MICAL3: variants seen among roughly 807,000 people sequenced by gnomAD.
The protein encoded by MICAL3 is microtubule associated monooxygenase, calponin and LIM domain containing 3, also known as [F-actin]-monooxygenase MICAL3.
In MICAL3, 62 loss-of-function variants were observed where a neutral mutation model predicts 207.4. The observed-to-expected ratio is 0.30, with a 90% CI of 0.24 to 0.37. MICAL3 has a LOEUF of 0.37. Ranked by LOEUF, MICAL3 falls within the 10% of genes least tolerant of loss-of-function variation. MICAL3 has a pLI of 1.00. For synonymous variants in MICAL3, 1,077 were observed against 1,069.3 expected, an observed-to-expected ratio of 1.01 and a Z score of -0.14; for missense variants, 2,368 against 2,635.6, an observed-to-expected ratio of 0.90 and a Z score of 2.22.
In MICAL3 at chr22:17,866,621, A is replaced by AATAGAATAGC. The variant is rs1556037644; in HGVS notation, c.2429-610_2429-609insGCTATTCTAT. On this transcript the variant is annotated intron_variant, in intron 17 of 31. Transcript: ENST00000441493. The stretch of plus-strand genomic sequence containing the variant: ...AACAGCATAGAACAGAACAGAATAG[A>AATAGAATAGC]ATAGAATAGAATAGAATAGAATAGA... Among the ~76,000 whole-genome samples the AATAGAATAGC allele has an allele frequency of 3.0e-5, 4 of 135,352 alleles. No individual in the cohort carries two copies. In the East Asian group the frequency reaches 9.1e-4, roughly 31 times the overall value. The allele number at this position is 135,352 out of a possible 152,430, so 88.8% of individuals were successfully genotyped here.
At chr22:17,985,810 C>G (rs1160160540) in intron 1 of MICAL3, among the ~76,000 whole-genome samples, 1 of 152,060 alleles carries the variant, frequency 6.6e-6, no homozygotes, top group Non-Finnish European at 1.5e-5. Context: ...CCTTTAGGAC[C>G]CACCCACCTT....
intron 1 of MICAL3, chr22:18,001,120 A>C (rs1922946252): frequency 6.6e-6 from 1 of 152,148 alleles, no homozygotes; most frequent in South Asian, 2.1e-4. Flanking sequence ...GGAGGTGACC[A>C]CACGGGAACG....
chr22:17,979,450 C>G (rs896552241), intron 1 of MICAL3, among the ~76,000 whole-genome samples: 2 of 152,104 alleles, frequency 1.3e-5, no homozygotes, highest in African/African-American at 4.8e-5. Context: ...GAGTGTGAGG[C>G]AGGAGAATCA....
intron 21 of MICAL3, 57 bp from the exon 22 acceptor site, chr22:17,827,838 A>G: frequency 6.7e-7 from 1 of 1,496,680 alleles, no homozygotes; most frequent in South Asian, 1.2e-5. Flanking sequence ...GGGATGAAAT[A>G]GCATGGGAAA....
intron 1 of MICAL3, among the ~76,000 whole-genome samples, chr22:17,984,547 C>A (rs1936070810): frequency 6.6e-6 from 1 of 150,702 alleles, no homozygotes; most frequent in East Asian, 2.0e-4. Flanking sequence ...CCCCACCCCC[C>A]ACGCCCCACC....
At chr22:17,970,476 C>T (rs1172936926) in intron 1 of MICAL3, among the ~76,000 whole-genome samples, 1 of 152,230 alleles carries the variant, frequency 6.6e-6, no homozygotes, top group African/African-American at 2.4e-5. Context: ...CAGAACTCTG[C>T]AGTCACGGCT....
chr22:17,970,381 T>A (rs1052229972), intron 1 of MICAL3, among the ~76,000 whole-genome samples: 1 of 152,170 alleles, frequency 6.6e-6, no homozygotes, highest in Non-Finnish European at 1.5e-5. Context: ...AGTGAGCGGC[T>A]GACCAGCTGC....
intron 19 of MICAL3, chr22:17,842,330 G>A (rs919054175): frequency 2.5e-5 from 8 of 323,864 alleles, no homozygotes; most frequent in African/African-American, 1.6e-4. Context: ...AGGGGTGTGG[G>A]CCAGACCGCA....
intron 29 of MICAL3, among the ~76,000 whole-genome samples, chr22:17,794,253 C>G (rs1185563671): frequency 6.6e-6 from 1 of 152,260 alleles, no homozygotes; most frequent in African/African-American, 2.4e-5. Context: ...GCCCCCTCCT[C>G]AAAGCCCCTG....
chr22:17,953,490 A>G (rs971093083), intron 1 of MICAL3, among the ~76,000 whole-genome samples: 1 of 152,078 alleles, frequency 6.6e-6, no homozygotes, highest in African/African-American at 2.4e-5. Flanking sequence ...GGGAATGTCC[A>G]AGCCCCCTAG....
chr22:17,846,565 C>T (rs903222970), intron 19 of MICAL3, among the ~76,000 whole-genome samples: 2 of 152,186 alleles, frequency 1.3e-5, no homozygotes, highest in East Asian at 3.8e-4. Flanking sequence ...GACCTCCTCC[C>T]TCATCAACTA....
At position 17,841,784 on chromosome 22, in the gene MICAL3, G is replaced by A. The variant is rs113403398; in HGVS notation, c.2801+38C>T. On this transcript the variant is annotated intron_variant, in intron 20 of 31. Coordinates refer to ENST00000441493, the MANE Select transcript of MICAL3 (RefSeq NM_015241.3). This position sits in a 1 kb window ranked among gnomAD's most constrained non-coding sequence, Gnocchi z 4.2. ...CAGAGGTGAGGAGGCTCTTAGGGCC[G>A]TGTGGCGGGTGGGCGCCCTGCAGCC... 2.1e-4 allele frequency: 316 copies of A among 1,537,524 alleles called. 2 individuals are homozygous for A. Among genetic ancestry groups the A allele is most frequent in the East Asian group, 1.5e-3 (62 of 40,788 alleles).
Position 17,872,018 on chromosome 22 carries a change from G to A in MICAL3, c.2247C>T (p.Ser749=), listed in dbSNP as rs1927771564. ...AQSIGIRRQG[S]MKKEFPQNLG... ...GGTTCTGCGGGAACTCCTTCTTCAT[G>A]GAGCCCTGCAGGAGGTGGCGGTCGG... is the stretch of plus-strand genomic sequence containing the variant. Residue 749 remains serine, a synonymous_variant, in exon 17 of 32, where the codon TCC becomes TCT. Transcript: ENST00000441493. 1 of 1,601,832 alleles carries A rather than the reference G, an allele frequency of 6.2e-7. No homozygotes were observed. Among genetic ancestry groups the A allele is most frequent in the Non-Finnish European group, 8.5e-7 (1 of 1,174,562 alleles).
chr22:17,982,246 A>G (rs1162120331), intron 1 of MICAL3, among the ~76,000 whole-genome samples: 1 of 152,164 alleles, frequency 6.6e-6, no homozygotes, highest in African/African-American at 2.4e-5. Context: ...CAGTGGCTTC[A>G]CTCCTGAAGT....
At chr22:17,948,228 C>A (rs1013345245) in intron 1 of MICAL3, among the ~76,000 whole-genome samples, 5 of 152,248 alleles carry the variant, frequency 3.3e-5, no homozygotes, top group Admixed American at 6.5e-5. Flanking sequence ...CAGCAATCTG[C>A]AAGTGCCCCC....
intron 13 of MICAL3, among the ~76,000 whole-genome samples, chr22:17,887,821 G>A (rs900918878): frequency 6.6e-6 from 1 of 152,190 alleles, no homozygotes; most frequent in Non-Finnish European, 1.5e-5. Context: ...AAAGCAGAGA[G>A]GCGATGAACT....
Position 17,817,745 on chromosome 22 carries a change from G to C in MICAL3, c.4916C>G (p.Pro1639Arg). ...APRPRKASSAPSQGKERRPDS... is the reference protein window; with the variant it reads ...APRPRKASSARSQGKERRPDS... ...AGGCCGGCGCTCCTTGCCCTGGGAG[G>C]GTGCTGAGGACGCCTTGCGGGGCCT... Residue 1639 changes from proline (P) to arginine (R), a missense_variant, in exon 26 of 32, where the codon CCC becomes CGC. Physicochemically the swap from Pro to Arg is moderately radical, Grantham distance 103. This residue lies in a region of MICAL3 where 1,770 missense variants were observed against 1,863.2 expected (regional missense o/e 0.95). Coordinates refer to ENST00000441493, the MANE Select transcript of MICAL3 (RefSeq NM_015241.3). 3.1e-6 allele frequency: 5 copies of C among 1,589,426 alleles called. No individual in the cohort carries two copies. The highest frequency in any genetic ancestry group is 3.4e-6 in the Non-Finnish European group (4 of 1,168,408).
At chr22:17,953,980 AAAAAG>A (rs1934489522) in intron 1 of MICAL3, among the ~76,000 whole-genome samples, 1 of 149,256 alleles carries the variant, frequency 6.7e-6, no homozygotes, top group African/African-American at 2.5e-5. Flanking sequence ...AAAGAAAAAG[AAAAAG>A]AAAAGGAAGA....
intron 1 of MICAL3, among the ~76,000 whole-genome samples, chr22:17,952,680 G>A (rs558718521): frequency 1.3e-5 from 2 of 149,796 alleles, no homozygotes; most frequent in African/African-American, 2.6e-5. Context: ...GCAGGGGGTG[G>A]AGAGGTCCAC....
Sources: allele counts gnomAD v4.1 joint callset (sites outside exome capture counted in the v4.1 genomes callset), GRCh38; gene constraint gnomAD v4.1.1; regional missense constraint gnomAD v4.1.1; non-coding constraint Gnocchi (gnomAD v3.1); transcripts MANE v1.5; gene names NCBI Gene and HGNC (gene_info 2026-07-23, HGNC 2026-07-21).